PDE10A: variants seen among roughly 807,000 people sequenced by gnomAD.
PDE10A encodes phosphodiesterase 10A.
A neutral mutation model predicts 97.7 loss-of-function variants in PDE10A; 39 were observed. That is an observed-to-expected ratio of 0.40 (90% CI 0.31 to 0.52). The LOEUF is 0.52. Ranked by LOEUF, PDE10A falls within the 20% of genes least tolerant of loss-of-function variation. The pLI, the probability that PDE10A is intolerant of heterozygous loss-of-function variation, is 0.56. For synonymous variants in PDE10A, 371 were observed against 376.8 expected (o/e 0.98, Z 0.18); for missense variants, 731 against 1,047.8 (o/e 0.70, Z 4.17).
chr6:165,570,776 G>T (rs57580602), intron 1 of PDE10A, among the ~76,000 whole-genome samples: 15,829 of 152,118 alleles, frequency 0.1, 1,579 homozygotes, highest in African/African-American at 0.27. Flanking sequence ...AATTACAGTC[G>T]ATTATTATTA....
intron 1 of PDE10A, among the ~76,000 whole-genome samples, chr6:165,747,777 C>A (rs1792875862): frequency 6.6e-6 from 1 of 152,196 alleles, no homozygotes; most frequent in Admixed American, 6.5e-5. Context: ...AAGGTCCAGG[C>A]AGAAGCCCAC....
intron 2 of PDE10A, among the ~76,000 whole-genome samples, chr6:165,532,499 T>TA (rs2128315625): frequency 1.3e-5 from 2 of 152,150 alleles, no homozygotes; most frequent in South Asian, 2.1e-4. Context: ...TGCATGTAGT[T>TA]AGAGTATGTG....
At chr6:165,614,609 A>C (rs763021220) in intron 1 of PDE10A, among the ~76,000 whole-genome samples, 2 of 152,184 alleles carry the variant, frequency 1.3e-5, no homozygotes, top group South Asian at 4.1e-4. Context: ...CCAACACAGC[A>C]AGCCTGCATT....
chr6:165,873,831 C>T (rs1197067094), intron 1 of PDE10A, among the ~76,000 whole-genome samples: 2 of 151,942 alleles, frequency 1.3e-5, no homozygotes, highest in Non-Finnish European at 2.9e-5. Context: ...GTAAAAATAT[C>T]GAAAATAGGT....
At chr6:165,779,473 G>A (rs1583076828) in intron 1 of PDE10A, among the ~76,000 whole-genome samples, 1 of 152,204 alleles carries the variant, frequency 6.6e-6, no homozygotes, top group Admixed American at 6.5e-5. Context: ...TCTGCATCAA[G>A]TCCTACGTGG....
intron 1 of PDE10A, among the ~76,000 whole-genome samples, chr6:165,913,750 G>C (rs1464830712): frequency 6.6e-6 from 1 of 152,172 alleles, no homozygotes. Context: ...GTGAAACCAA[G>C]AGTTCTCAGG....
At chr6:165,724,080 C>T (rs1363852304) in intron 1 of PDE10A, among the ~76,000 whole-genome samples, 1 of 152,178 alleles carries the variant, frequency 6.6e-6, no homozygotes, top group Non-Finnish European at 1.5e-5. Flanking sequence ...GAATATTAGT[C>T]AGTGAACCAC....
At chr6:165,796,545 A>G (rs998279650) in intron 1 of PDE10A, among the ~76,000 whole-genome samples, 2 of 152,338 alleles carry the variant, frequency 1.3e-5, no homozygotes, top group Admixed American at 6.5e-5. Flanking sequence ...ATATAAATCA[A>G]TGTGGTTATG....
intron 3 of PDE10A, among the ~76,000 whole-genome samples, chr6:165,477,460 T>C (rs543279468): frequency 3.1e-4 from 47 of 152,194 alleles, no homozygotes; most frequent in Non-Finnish European, 6.0e-4. Context: ...GCGCAGGGAT[T>C]TCTGTCTAGT....
rs1785439420 is a variant in PDE10A, at chr6:165,388,231, C to T, written c.2610+67G>A. The T allele has an allele frequency of 1.2e-5, 17 of 1,456,022 alleles. No homozygotes were observed. The highest frequency in any genetic ancestry group is 1.6e-5 in the Non-Finnish European group (17 of 1,043,018). The allele number at this position is 1,456,022 out of a possible 1,614,324, so 90.2% of individuals were successfully genotyped here. On this transcript the variant is annotated intron_variant, in intron 17 of 21. Transcript: ENST00000539869. The surrounding 1 kb of genome is among the most constrained non-coding windows in gnomAD (Gnocchi z 4.0). ...AGCCATAATGATCTTCCTTTTCCAC[C>T]TATGAAGTATCCCTATCTCCCAGAC...
rs1781157247 is a variant in PDE10A at position 165,328,294 on chromosome 6, C to T, written c.*4731G>A. ...AAAGAAAAAGACAAAGGCTGTAACG[C>T]CCAAGATATAATATTTCAGTTGGGC... On this transcript the variant is annotated 3_prime_UTR_variant, in exon 22 of 22. Transcript: ENST00000539869. 1 of 152,144 alleles carries T rather than the reference C, an allele frequency of 6.6e-6. No homozygotes were observed. Among genetic ancestry groups the T allele is most frequent in the Admixed American group, 6.5e-5 (1 of 15,276 alleles). 9.4% of individuals were successfully genotyped at this position (152,144 alleles called of 1,614,324 possible).
intron 4 of PDE10A, 75 bp downstream of exon 4, chr6:165,450,167 G>T: frequency 4.3e-6 from 4 of 935,972 alleles, no homozygotes; most frequent in Non-Finnish European, 6.3e-6. Context: ...CTGCCTCTTA[G>T]TAAGTAGTTT....
chr6:165,833,323 A>G (rs1438470141), intron 1 of PDE10A, among the ~76,000 whole-genome samples: 1 of 152,230 alleles, frequency 6.6e-6, no homozygotes, highest in Non-Finnish European at 1.5e-5. Flanking sequence ...TAATATACAA[A>G]CGTGAACACA....
chr6:165,982,230 A>C (rs1374782372), intron 1 of PDE10A, among the ~76,000 whole-genome samples: 1 of 152,190 alleles, frequency 6.6e-6, no homozygotes, highest in African/African-American at 2.4e-5. Flanking sequence ...GTCATGCCCA[A>C]ATGTCCCCTA....
intron 1 of PDE10A, among the ~76,000 whole-genome samples, chr6:165,891,204 A>G (rs74800915): frequency 0.016 from 2,465 of 152,278 alleles, 37 homozygotes; most frequent in Middle Eastern, 0.031. Context: ...GCTTTCATTT[A>G]TGTCAATTCT....
At chr6:165,338,425 T>C (rs576007361) in intron 20 of PDE10A, among the ~76,000 whole-genome samples, 4 of 152,280 alleles carry the variant, frequency 2.6e-5, no homozygotes, top group African/African-American at 9.6e-5. Flanking sequence ...ACGAAAGCCA[T>C]ACTCTCAGAA....
At chr6:165,963,242 C>T (rs1244653525) in intron 1 of PDE10A, among the ~76,000 whole-genome samples, 1 of 152,152 alleles carries the variant, frequency 6.6e-6, no homozygotes, top group Non-Finnish European at 1.5e-5. Flanking sequence ...TCTTAATCTC[C>T]CATCCAGGGA....
chr6:165,714,577 C>T (rs747115976), intron 1 of PDE10A, among the ~76,000 whole-genome samples: 59 of 152,232 alleles, frequency 3.9e-4, no homozygotes, highest in Non-Finnish European at 6.6e-4. Context: ...AGGGGATCCC[C>T]CTACTCGAAT....
intron 1 of PDE10A, among the ~76,000 whole-genome samples, chr6:165,961,725 CT>C (rs1413942365): frequency 3.9e-5 from 6 of 152,224 alleles, no homozygotes; most frequent in Admixed American, 3.3e-4. Context: ...TCATCTCAGG[CT>C]TTTCAGAGCC....
Sources: gnomAD v4.1 joint callset for allele counts (sites outside exome capture counted in the v4.1 genomes callset) on GRCh38, gnomAD v4.1.1 for gene constraint, Gnocchi (gnomAD v3.1) non-coding constraint, MANE v1.5 for transcripts, NCBI Gene and HGNC (gene_info 2026-07-23, HGNC 2026-07-21) for gene names.